COX4I1: variants seen among roughly 807,000 people sequenced by gnomAD.
COX4I1 encodes the protein cytochrome c oxidase subunit 4 isoform 1, mitochondrial.
In COX4I1, 18 loss-of-function variants were observed where a neutral mutation model predicts 21.7. That is an observed-to-expected ratio of 0.83 (90% CI 0.57 to 1.23). The LOEUF is 1.23. Ranked by LOEUF, COX4I1 falls within the 50% of genes most tolerant of loss-of-function variation. COX4I1 has a pLI of 0.00. For missense variants in COX4I1, 238 were observed against 220.7 expected (o/e 1.08, Z -0.50); for synonymous variants, 100 against 81.5 (o/e 1.23, Z -1.23).
At chr16:85,803,091 TA>T (rs1490735321) in intron 2 of COX4I1, 1 of 152,234 alleles carries the variant, frequency 6.6e-6, no homozygotes, top group African/African-American at 2.4e-5. Context: ...TATTTACATT[TA>T]TTTTTAATAA....
intron 3 of COX4I1, chr16:85,805,332 T>C: frequency 1.8e-6 from 1 of 555,166 alleles, no homozygotes; most frequent in South Asian, 2.4e-5. Flanking sequence ...CTGTGCTGAG[T>C]GGAGGTAGCC....
chr16:85,802,471 C>T (rs1380138122), intron 2 of COX4I1, among the ~76,000 whole-genome samples: 1 of 152,216 alleles, frequency 6.6e-6, no homozygotes, highest in African/African-American at 2.4e-5. Context: ...TGAAGACGAA[C>T]TGCAGGCTCT....
In COX4I1 at chr16:85,806,925, A is replaced by C; in HGVS notation, c.*51A>C. The C allele has an allele frequency of 1.3e-6, 2 of 1,573,920 alleles. No homozygotes were observed. Among genetic ancestry groups the C allele is most frequent in the Non-Finnish European group, 1.7e-6 (2 of 1,156,478 alleles). On this transcript the variant is annotated 3_prime_UTR_variant, in exon 5 of 5. Transcript: ENST00000253452. ...GCGCCTGGCTCTGTCACCGCCATGC[A>C]ACTCCATGCCTATTTACTGGAAACC...
intron 2 of COX4I1, 102 bp downstream of exon 2, chr16:85,801,380 C>A: frequency 2.1e-6 from 2 of 933,814 alleles, no homozygotes; most frequent in Non-Finnish European, 3.4e-6. Context: ...CTTAATTCGG[C>A]TCTTGAGGGT....
chr16:85,806,875 G>T lies in COX4I1; in HGVS notation c.*1G>T. 6.2e-7 allele frequency: 1 copy of T among 1,612,762 alleles called. No individual in the cohort carries two copies. The highest frequency in any genetic ancestry group is 8.5e-7 in the Non-Finnish European group (1 of 1,179,234). ...CGAAAAGAACGAGTGGAAGAAGTGA[G>T]AGATGCTGGCCTGCGCCTGCACCTG... On this transcript the variant is annotated 3_prime_UTR_variant, in exon 5 of 5. Coordinates refer to ENST00000253452, the MANE Select transcript of COX4I1 (RefSeq NM_001861.6).
intron 1 of COX4I1, among the ~76,000 whole-genome samples, chr16:85,800,099 G>A (rs958230177): frequency 1.3e-5 from 2 of 152,230 alleles, no homozygotes; most frequent in Admixed American, 6.5e-5. Flanking sequence ...CCTTCAAAAG[G>A]TCCCTGTGCA....
In COX4I1 at chr16:85,806,751, C is replaced by G; in HGVS notation, c.387C>G (p.Leu129=). 1 of 1,614,128 alleles carries G rather than the reference C, an allele frequency of 6.2e-7. No individual in the cohort carries two copies. Among genetic ancestry groups the G allele is most frequent in the Non-Finnish European group, 8.5e-7 (1 of 1,180,010 alleles). ...MWQKHYVYGP[L]PQSFDKEWVA... Reference sequence around the variant, plus strand: ...CTCACACCGTAGTGTACGGCCCCCTCCCGCAAAGCTTTGACAAAGAGTGGG... The same window carrying G: ...CTCACACCGTAGTGTACGGCCCCCTGCCGCAAAGCTTTGACAAAGAGTGGG... The change falls in exon 5 of 5, where the codon CTC becomes CTG. Residue 129 remains leucine, a synonymous_variant. Coordinates refer to ENST00000253452, the MANE Select transcript of COX4I1 (RefSeq NM_001861.6).
At position 85,806,857 on chromosome 16, in the gene COX4I1, A is replaced by G. The variant is rs753608262; in HGVS notation, c.493A>G (p.Asn165Asp). 16 of 1,613,748 alleles carry G rather than the reference A, an allele frequency of 9.9e-6. 1 individual carries two copies. The South Asian group carries it at 1.8e-4, about 18-fold the overall frequency. The change falls in exon 5 of 5, where the codon AAC becomes GAC. Residue 165 changes from asparagine (N) to aspartate (D), a missense_variant. By Grantham distance (23) the Asn-to-Asp change is conservative. Transcript: ENST00000253452. ...AGCCTCCAAGTGGGACTACGAAAAG[A>G]ACGAGTGGAAGAAGTGAGAGATGCT... ...GLASKWDYEK[N>D]EWKK
chr16:85,805,244 GT>G, intron 3 of COX4I1, 140 bp downstream of exon 3: 3 of 816,308 alleles, frequency 3.7e-6, no homozygotes, highest in Non-Finnish European at 5.5e-6. Flanking sequence ...CGGGGTCACT[GT>G]GCCAGGGCCC....
At chr16:85,806,250 T>G in intron 4 of COX4I1, 1 of 597,146 alleles carries the variant, frequency 1.7e-6, no homozygotes, top group Admixed American at 3.0e-5. Context: ...GGACTGCATC[T>G]CAACAGCCAG....
chr16:85,805,235 G>A lies in COX4I1; in HGVS notation c.241+131G>A. On this transcript the variant is annotated intron_variant, in intron 3 of 4. Transcript: ENST00000253452. ...CAGGAGGGTTGCTCTGCTGGGTTTCGGGGTCACTGTGCCAGGGCCCCAGTT... is the reference window on the plus strand; with the variant it reads ...CAGGAGGGTTGCTCTGCTGGGTTTCAGGGTCACTGTGCCAGGGCCCCAGTT... The A allele has an allele frequency of 5.3e-6, 5 of 936,398 alleles. No individual in the cohort carries two copies. In the East Asian group the frequency reaches 1.3e-4, roughly 25 times the overall value. 58.0% of individuals were successfully genotyped at this position (936,398 alleles called of 1,614,324 possible).
intron 1 of COX4I1, among the ~76,000 whole-genome samples, chr16:85,800,172 A>G (rs775628105): frequency 1.8e-4 from 28 of 152,346 alleles, no homozygotes; most frequent in Non-Finnish European, 3.1e-4. Flanking sequence ...GAAGGCGCCT[A>G]TTGTTTGCTC....
In COX4I1 at chr16:85,805,049, G is replaced by T. The variant is rs1464285613; in HGVS notation, c.186G>T (p.Leu62Phe). The T allele has an allele frequency of 1.2e-6, 2 of 1,613,576 alleles. No homozygotes were observed. Among genetic ancestry groups the T allele is most frequent in the Non-Finnish European group, 1.7e-6 (2 of 1,179,564 alleles). ...ACCTGTCTGCCAGCCAGAAGGCATTGAAGGAGAAGGAGAAGGCCTCCTGGA... is the reference window on the plus strand; with the variant it reads ...ACCTGTCTGCCAGCCAGAAGGCATTTAAGGAGAAGGAGAAGGCCTCCTGGA... ...VKHLSASQKALKEKEKASWSS... is the reference protein window; with the variant it reads ...VKHLSASQKAFKEKEKASWSS... The change falls in exon 3 of 5, where the codon TTG becomes TTT. Residue 62 changes from leucine to phenylalanine, a missense_variant. Physicochemically the swap from Leu to Phe is conservative, Grantham distance 22. Coordinates refer to ENST00000253452, the MANE Select transcript of COX4I1 (RefSeq NM_001861.6).
chr16:85,804,862 G>T lies in COX4I1; in HGVS notation c.74-75G>T, dbSNP rs1906045523. 6 of 1,410,182 alleles carry T rather than the reference G, an allele frequency of 4.3e-6. No individual in the cohort carries two copies. The South Asian group carries it at 5.4e-5, about 13-fold the overall frequency. The allele number at this position is 1,410,182 out of a possible 1,614,324, so 87.4% of individuals were successfully genotyped here. On this transcript the variant is annotated intron_variant, in intron 2 of 4. Transcript: ENST00000253452. ...AAGGCGTGCACATGTCTGTGTTTCG[G>T]TTTTCAGAAGTATCACCTTGGGGTG...
In COX4I1 at chr16:85,806,792, A is replaced by G. The variant is rs144333119; in HGVS notation, c.428A>G (p.Lys143Arg). The G allele has an allele frequency of 6.2e-6, 10 of 1,614,104 alleles. No homozygotes were observed. In the African/African-American group the frequency reaches 1.2e-4, roughly 19 times the overall value. ...AAAGAGTGGGTGGCCAAGCAGACCA[A>G]GAGGATGCTGGACATGAAGGTGAAC... ...FDKEWVAKQT[K>R]RMLDMKVNPI... Residue 143 changes from lysine (K) to arginine (R), a missense_variant, in exon 5 of 5, where the codon AAG becomes AGG. Transcript: ENST00000253452.
At chr16:85,803,870 C>T (rs541658960) in intron 2 of COX4I1, 1 of 152,272 alleles carries the variant, frequency 6.6e-6, no homozygotes, top group Non-Finnish European at 1.5e-5. Context: ...GGACGTTGCC[C>T]CTTGTTTCGT....
At position 85,804,921 on chromosome 16, in the gene COX4I1, T is replaced by G. The variant is rs1206243358; in HGVS notation, c.74-16T>G. 4 of 1,594,112 alleles carry G rather than the reference T, an allele frequency of 2.5e-6. No homozygotes were observed. The highest frequency in any genetic ancestry group is 3.4e-6 in the Non-Finnish European group (4 of 1,169,680). On this transcript the variant is annotated splice_polypyrimidine_tract_variant and intron_variant, in intron 2 of 4. Coordinates refer to ENST00000253452, the MANE Select transcript of COX4I1 (RefSeq NM_001861.6). ...CTTACATGGATTTTCAAAGATTTAT[T>G]CAATATGTTTTTCAGAAAGTGTTGT...
At chr16:85,806,575 T>C in intron 4 of COX4I1, 163 bp from the exon 5 acceptor site, 1 of 963,378 alleles carries the variant, frequency 1.0e-6, no homozygotes, top group South Asian at 1.3e-5. Context: ...AAAATGTCAG[T>C]GTTGTCAGTG....
chr16:85,805,673 T>C (rs1034975929), intron 3 of COX4I1, 60 bp from the exon 4 acceptor site: 9 of 1,603,736 alleles, frequency 5.6e-6, no homozygotes, highest in Non-Finnish European at 7.7e-6. Flanking sequence ...TGGTTGAATG[T>C]TGCAGAGGAG....
Sources: gnomAD v4.1 joint callset for allele counts (sites outside exome capture counted in the v4.1 genomes callset) on GRCh38, gnomAD v4.1.1 for gene constraint, MANE v1.5 for transcripts, NCBI Gene and HGNC (gene_info 2026-07-23, HGNC 2026-07-21) for gene names.